PDE4B: variants seen among roughly 807,000 people sequenced by gnomAD.
The protein encoded by PDE4B is phosphodiesterase 4B, also known as 3',5'-cyclic-AMP phosphodiesterase 4B.
PDE4B carries 20 observed loss-of-function variants against 82.2 expected under a neutral mutation model. That is an observed-to-expected ratio of 0.24 (90% confidence interval 0.17 to 0.35). The LOEUF (loss-of-function observed/expected upper bound fraction) is 0.35. Among genes scored for constraint, PDE4B ranks in the 10% least tolerant of loss-of-function variants. PDE4B has a pLI of 1.00. For synonymous variants in PDE4B, 320 were observed against 318.9 expected (o/e 1.00, Z -0.04); for missense variants, 655 against 907.2 (o/e 0.72, Z 3.57).
At chr1:66,355,759 C>G (rs1475216843) in intron 9 of PDE4B, 139 bp downstream of exon 9, 1 of 513,640 alleles carries the variant, frequency 1.9e-6, no homozygotes, top group African/African-American at 1.9e-5. Flanking sequence ...ATAACTAAGG[C>G]CAGTCTTCAA....
chr1:65,929,473 T>G (rs895697546), intron 3 of PDE4B, among the ~76,000 whole-genome samples: 2 of 152,238 alleles, frequency 1.3e-5, no homozygotes, highest in Non-Finnish European at 2.9e-5. Context: ...AGGCTGTGCA[T>G]GCACCTTCTG....
At chr1:66,186,100 C>T (rs1302777062) in intron 3 of PDE4B, among the ~76,000 whole-genome samples, 1 of 152,180 alleles carries the variant, frequency 6.6e-6, no homozygotes, top group Non-Finnish European at 1.5e-5. Flanking sequence ...GGAATCCTTT[C>T]CCCATTTCTT....
chr1:66,260,561 T>C (rs1570576041), intron 6 of PDE4B, among the ~76,000 whole-genome samples: 1 of 152,182 alleles, frequency 6.6e-6, no homozygotes, highest in South Asian at 2.1e-4. Context: ...TTCTTAAGCA[T>C]GGCTGGACTG....
intron 3 of PDE4B, among the ~76,000 whole-genome samples, chr1:66,144,955 A>C (rs1167769440): frequency 2.0e-5 from 3 of 152,356 alleles, no homozygotes; most frequent in Non-Finnish European, 2.9e-5. Context: ...TTTAAAAACC[A>C]CTGCATCCCA....
intron 3 of PDE4B, among the ~76,000 whole-genome samples, chr1:66,226,131 T>G (rs1267072670): frequency 6.6e-6 from 1 of 152,244 alleles, no homozygotes; most frequent in Non-Finnish European, 1.5e-5. Flanking sequence ...TTAATTTTTT[T>G]AACTTAATTT....
At chr1:66,050,353 A>G (rs1386461588) in intron 3 of PDE4B, among the ~76,000 whole-genome samples, 2 of 152,084 alleles carry the variant, frequency 1.3e-5, no homozygotes, top group Non-Finnish European at 2.9e-5. Flanking sequence ...ATTTAGCAGA[A>G]ATAGAATTTG....
intron 3 of PDE4B, among the ~76,000 whole-genome samples, chr1:66,006,920 G>A (rs1652183480): frequency 6.6e-6 from 1 of 151,976 alleles, no homozygotes; most frequent in Non-Finnish European, 1.5e-5. Context: ...TTTCCTAACA[G>A]CAGTGTGAGA....
At chr1:66,348,872 A>C (rs1661610753) in intron 8 of PDE4B, among the ~76,000 whole-genome samples, 2 of 152,054 alleles carry the variant, frequency 1.3e-5, no homozygotes, top group South Asian at 4.1e-4. Context: ...TGTCCATTTG[A>C]TTACATCACT....
chr1:66,324,764 A>G (rs1267837173), intron 7 of PDE4B, among the ~76,000 whole-genome samples: 2 of 152,170 alleles, frequency 1.3e-5, no homozygotes, highest in Non-Finnish European at 2.9e-5. Context: ...AAGAAAGGCT[A>G]TATAGGGCTT....
At chr1:65,893,051 T>C (rs1344187252) in intron 1 of PDE4B, among the ~76,000 whole-genome samples, 1 of 152,038 alleles carries the variant, frequency 6.6e-6, no homozygotes, top group Non-Finnish European at 1.5e-5. Flanking sequence ...AGAAATGAAT[T>C]GATGGGTGGT....
At chr1:66,351,844 A>G (rs1022075334) in intron 8 of PDE4B, among the ~76,000 whole-genome samples, 7 of 152,150 alleles carry the variant, frequency 4.6e-5, no homozygotes, top group Non-Finnish European at 7.3e-5. Context: ...TAGCTCCTCA[A>G]CTGTCTCCTC....
At chr1:66,342,448 G>A (rs1424583803) in intron 8 of PDE4B, among the ~76,000 whole-genome samples, 3 of 151,364 alleles carry the variant, frequency 2.0e-5, no homozygotes, top group African/African-American at 7.3e-5. Context: ...AGTGGCTCAC[G>A]CCTGTAATCC....
At chr1:65,996,775 A>G (rs1314950028) in intron 3 of PDE4B, among the ~76,000 whole-genome samples, 2 of 152,182 alleles carry the variant, frequency 1.3e-5, no homozygotes, top group African/African-American at 2.4e-5. Flanking sequence ...AGTGGATACC[A>G]TACTCTTTGT....
chr1:66,233,834 CT>C (rs1028611028), intron 3 of PDE4B, among the ~76,000 whole-genome samples: 35 of 151,362 alleles, frequency 2.3e-4, no homozygotes, highest in African/African-American at 7.5e-4. Flanking sequence ...TTTTTTTTGT[CT>C]GTTATAACAA....
At chr1:66,276,255 G>A (rs1028826997) in intron 7 of PDE4B, among the ~76,000 whole-genome samples, 17 of 152,166 alleles carry the variant, frequency 1.1e-4, no homozygotes, top group East Asian at 1.9e-4. Flanking sequence ...ACTTCTTTGC[G>A]TATATTATTG....
chr1:65,825,750 C>CTATT (rs1356899355), intron 1 of PDE4B, among the ~76,000 whole-genome samples: 5 of 151,558 alleles, frequency 3.3e-5, no homozygotes, highest in Non-Finnish European at 7.4e-5. Flanking sequence ...ATCTATCTAT[C>CTATT]TATCTATCTC....
chr1:65,862,113 C>T (rs1162700717), intron 1 of PDE4B, among the ~76,000 whole-genome samples: 2 of 152,102 alleles, frequency 1.3e-5, no homozygotes, highest in Non-Finnish European at 2.9e-5. Context: ...GAGAGGGCAT[C>T]CTTGTCTTAT....
At chr1:66,332,183 A>G (rs1660162612) in intron 7 of PDE4B, 3 of 1,394,286 alleles carry the variant, frequency 2.2e-6, no homozygotes, top group Non-Finnish European at 1.9e-6. Context: ...TTCTGCCTTT[A>G]GTTTTAGGAC....
chr1:65,816,268 G>T (rs1295123116), intron 1 of PDE4B, among the ~76,000 whole-genome samples: 1 of 149,290 alleles, frequency 6.7e-6, no homozygotes, highest in Non-Finnish European at 1.5e-5. Context: ...TTGGGGTGGG[G>T]TGGTGAGTAC....
Sources: gnomAD v4.1 joint callset for allele counts (sites outside exome capture counted in the v4.1 genomes callset) on GRCh38, gnomAD v4.1.1 for gene constraint, MANE v1.5 for transcripts, NCBI Gene and HGNC (gene_info 2026-07-23, HGNC 2026-07-21) for gene names.